KCND2: variants seen among roughly 807,000 people sequenced by gnomAD.
KCND2 encodes the protein potassium voltage-gated channel subfamily D member 2.
KCND2 carries 16 observed loss-of-function variants against 54.4 expected under a neutral mutation model. That is an observed-to-expected ratio of 0.29 (90% confidence interval 0.20 to 0.45). The LOEUF is 0.45. KCND2 is among the 20% of genes least tolerant of loss of function. KCND2 has a pLI of 1.00. For missense variants in KCND2, 486 were observed against 824.2 expected (o/e 0.59, Z 5.02); for synonymous variants, 317 against 310.7 (o/e 1.02, Z -0.21).
chr7:120,533,945 C>G (rs1183853031), intron 1 of KCND2, among the ~76,000 whole-genome samples: 2 of 152,128 alleles, frequency 1.3e-5, no homozygotes, highest in African/African-American at 4.8e-5. Flanking sequence ...CTTCGCTAAC[C>G]CCCAGATGTG....
chr7:120,460,382 A>G (rs1279358533), intron 1 of KCND2, among the ~76,000 whole-genome samples: 1 of 152,188 alleles, frequency 6.6e-6, no homozygotes, highest in Non-Finnish European at 1.5e-5. Flanking sequence ...GCTTATATCC[A>G]AACTCTTGTC....
At chr7:120,743,411 G>C (rs1317084698) in intron 4 of KCND2, among the ~76,000 whole-genome samples, 2 of 152,168 alleles carry the variant, frequency 1.3e-5, no homozygotes, top group Admixed American at 1.3e-4. Flanking sequence ...ATGTGCCCAA[G>C]AGTGAGCCAG....
chr7:120,357,767 C>T (rs889861068), intron 1 of KCND2, among the ~76,000 whole-genome samples: 5 of 152,108 alleles, frequency 3.3e-5, no homozygotes, highest in Non-Finnish European at 7.4e-5. Context: ...CTCCTGAGGC[C>T]TCTCTGCTTT....
At chr7:120,717,937 A>C (rs1006215956) in intron 1 of KCND2, among the ~76,000 whole-genome samples, 5 of 152,072 alleles carry the variant, frequency 3.3e-5, no homozygotes, top group African/African-American at 1.2e-4. Flanking sequence ...GCCTTTCCAC[A>C]CTTAGCACAG....
rs182279559 is a variant in KCND2 at position 120,667,711 on chromosome 7, T to G, written c.1116-65192T>G. On this transcript the variant is annotated intron_variant, in intron 1 of 5. Transcript: ENST00000331113. ...TCTTCAACCAAATGTATCTTTCTCA[T>G]AGTAATCTAATTTCTGTCCCTACTC... Among the ~76,000 whole-genome samples, 103 of 152,184 alleles carry G rather than the reference T, an allele frequency of 6.8e-4. 2 individuals carry two copies. Among genetic ancestry groups the G allele is most frequent in the Non-Finnish European group, 1.2e-4 (8 of 67,936 alleles).
chr7:120,522,771 C>A (rs1006662328), intron 1 of KCND2, among the ~76,000 whole-genome samples: 1 of 152,100 alleles, frequency 6.6e-6, no homozygotes, highest in Admixed American at 6.6e-5. Context: ...CATATCACTG[C>A]CAAGTCCTAG....
intron 1 of KCND2, among the ~76,000 whole-genome samples, chr7:120,347,908 G>A (rs1300835485): frequency 6.6e-6 from 1 of 152,140 alleles, no homozygotes; most frequent in Non-Finnish European, 1.5e-5. Flanking sequence ...TGCCAGCATG[G>A]TGAGGGACCT....
intron 1 of KCND2, among the ~76,000 whole-genome samples, chr7:120,521,154 T>A (rs1791687068): frequency 6.6e-6 from 1 of 152,076 alleles, no homozygotes; most frequent in Admixed American, 6.6e-5. Context: ...AAGCAAAACC[T>A]ATAGTCTTAG....
chr7:120,506,807 T>A (rs549937324), intron 1 of KCND2, among the ~76,000 whole-genome samples: 54 of 151,874 alleles, frequency 3.6e-4, no homozygotes, highest in Admixed American at 1.1e-3. Flanking sequence ...CTAAACTATC[T>A]GTAGACAGAA....
chr7:120,284,026 G>T (rs1225554589), intron 1 of KCND2, among the ~76,000 whole-genome samples: 3 of 152,048 alleles, frequency 2.0e-5, no homozygotes, highest in African/African-American at 7.2e-5. Flanking sequence ...ACCATGAATG[G>T]ATAATTGGAA....
chr7:120,598,593 T>G, intron 1 of KCND2, among the ~76,000 whole-genome samples: 2 of 152,100 alleles, frequency 1.3e-5, no homozygotes. Flanking sequence ...GCGGGTGGCA[T>G]TGGTTTGTTT....
intron 1 of KCND2, among the ~76,000 whole-genome samples, chr7:120,514,891 C>T (rs1191449453): frequency 6.6e-6 from 1 of 151,798 alleles, no homozygotes; most frequent in African/African-American, 2.4e-5. Context: ...GGTCTGTGGC[C>T]CAAGGATTGG....
At chr7:120,687,592 G>A (rs1022705346) in intron 1 of KCND2, among the ~76,000 whole-genome samples, 33 of 151,926 alleles carry the variant, frequency 2.2e-4, no homozygotes, top group Non-Finnish European at 5.9e-5. Context: ...GAGTTGAGTG[G>A]GTTGCATGAG....
chr7:120,707,888 T>C (rs1449370315), intron 1 of KCND2, among the ~76,000 whole-genome samples: 1 of 151,960 alleles, frequency 6.6e-6, no homozygotes, highest in Non-Finnish European at 1.5e-5. Context: ...CACAGATAAT[T>C]CTCCATTTGC....
intron 1 of KCND2, among the ~76,000 whole-genome samples, chr7:120,479,111 T>A (rs1032290479): frequency 6.6e-6 from 1 of 152,162 alleles, no homozygotes; most frequent in South Asian, 2.1e-4. Context: ...ATAAAATGCA[T>A]GGTTGTAGTG....
intron 1 of KCND2, among the ~76,000 whole-genome samples, chr7:120,566,730 C>A (rs1439015775): frequency 7.0e-6 from 1 of 142,188 alleles, no homozygotes; most frequent in Non-Finnish European, 1.5e-5. Flanking sequence ...GACAGAAATA[C>A]AGATATGTAA....
intron 1 of KCND2, among the ~76,000 whole-genome samples, chr7:120,543,392 T>G (rs1046655619): frequency 2.0e-5 from 3 of 151,926 alleles, no homozygotes; most frequent in Non-Finnish European, 4.4e-5. Context: ...AACTTTCCCC[T>G]TAAGAGATAC....
At chr7:120,308,455 C>A (rs1440490274) in intron 1 of KCND2, among the ~76,000 whole-genome samples, 1 of 152,082 alleles carries the variant, frequency 6.6e-6, no homozygotes, top group African/African-American at 2.4e-5. Context: ...CCGGATTTTA[C>A]AATTATTTTT....
intron 1 of KCND2, among the ~76,000 whole-genome samples, chr7:120,458,037 C>A (rs1001381709): frequency 6.6e-6 from 1 of 151,996 alleles, no homozygotes. Flanking sequence ...AGAGGAGAAC[C>A]CCTTATAAAA....
Sources: gnomAD v4.1 joint callset for allele counts (sites outside exome capture counted in the v4.1 genomes callset) on GRCh38, gnomAD v4.1.1 for gene constraint, MANE v1.5 for transcripts, NCBI Gene and HGNC (gene_info 2026-07-23, HGNC 2026-07-21) for gene names.